Variants in RBPJ observed in about 807,000 individuals in gnomAD.
RBPJ encodes recombining binding protein suppressor of hairless.
RBPJ carries 9 observed loss-of-function variants against 67.8 expected under a neutral mutation model. The ratio of observed to expected loss-of-function variants is 0.13; its 90% CI spans 0.08 to 0.23. The LOEUF is 0.23. Ranked by LOEUF, RBPJ falls within the 10% of genes least tolerant of loss-of-function variation. The probability of loss-of-function intolerance (pLI) is 1.00; values close to 1 mark genes in which losing one functional copy is unlikely to be tolerated. For missense variants in RBPJ, 305 were observed against 595.6 expected (o/e 0.51, Z 5.08); for synonymous variants, 198 against 203.3 (o/e 0.97, Z 0.22).
intron 1 of RBPJ, chr4:26,362,588 A>T (rs1728181088): frequency 3.1e-6 from 5 of 1,613,792 alleles, no homozygotes; most frequent in Non-Finnish European, 4.2e-6. Flanking sequence ...GCTGTGACTT[A>T]CCTTAACATG....
chr4:26,157,926 C>T, the RBPJ span, among the ~76,000 whole-genome samples: 28 of 152,264 alleles, frequency 1.8e-4, no homozygotes, highest in African/African-American at 6.0e-4. Flanking sequence ...GATGATCTAG[C>T]CTCAATTGAG....
chr4:26,410,009 C>G (rs1343134016), intron 3 of RBPJ: 1 of 453,410 alleles, frequency 2.2e-6, no homozygotes, highest in Non-Finnish European at 4.4e-6. Flanking sequence ...AAGGGGAAAC[C>G]CATTAAATTT....
intron 1 of RBPJ, among the ~76,000 whole-genome samples, chr4:26,333,784 G>A (rs1214025688): frequency 6.6e-6 from 1 of 152,016 alleles, no homozygotes; most frequent in African/African-American, 2.4e-5. Flanking sequence ...CGACCTCCCA[G>A]GCTCAAGTGA....
chr4:26,402,202 G>T (rs1443976798), intron 2 of RBPJ, among the ~76,000 whole-genome samples: 2 of 152,058 alleles, frequency 1.3e-5, no homozygotes, highest in Non-Finnish European at 2.9e-5. Context: ...TTTGTTTTCT[G>T]ATTCACCCTG....
chr4:26,322,099 C>G (rs2109326182), intron 1 of RBPJ: 1 of 152,690 alleles, frequency 6.5e-6, no homozygotes, highest in South Asian at 2.1e-4. Flanking sequence ...CTTGCGCCCC[C>G]CGGCCCCCGC....
At chr4:26,314,528 CTT>C (rs1211280316) in intron 1 of RBPJ, among the ~76,000 whole-genome samples, 18 of 152,048 alleles carry the variant, frequency 1.2e-4, no homozygotes, top group African/African-American at 4.3e-4. Flanking sequence ...GGATTTTCTT[CTT>C]GGTGCTGTTC....
At position 26,343,912 on chromosome 4, in the gene RBPJ, G is replaced by A. The variant is rs147520123; in HGVS notation, c.20+22864G>A. On this transcript the variant is annotated intron_variant, in intron 1 of 10. Transcript: ENST00000355476. ...ATTACAGGCGCCCGCCACCACACTC[G>A]GCTAATTTTTGTATTTTTAGTAGGG... is the stretch of plus-strand genomic sequence containing the variant. Among the ~76,000 whole-genome samples the A allele has an allele frequency of 6.1e-3, 919 of 151,828 alleles. 13 individuals carry two copies. The highest frequency in any genetic ancestry group is 0.021 in the African/African-American group (875 of 41,398).
intron 1 of RBPJ, among the ~76,000 whole-genome samples, chr4:26,244,174 C>A (rs1326515106): frequency 6.8e-6 from 1 of 147,490 alleles, no homozygotes; most frequent in Non-Finnish European, 1.5e-5. Flanking sequence ...TATATGTATA[C>A]ACATATATGT....
intron 1 of RBPJ, among the ~76,000 whole-genome samples, chr4:26,304,830 CAAAAGTTT>C (rs1722183999): frequency 6.7e-6 from 1 of 150,108 alleles, no homozygotes; most frequent in South Asian, 2.1e-4. Context: ...CTTTGAAGCA[CAAAAGTTT>C]TAAATTTTGA....
rs982854252 is a variant in RBPJ, at chr4:26,311,264, C to A, written c.-166-51182C>A. The stretch of plus-strand genomic sequence containing the variant: ...AAATGCATCACTGTGGGGCCAGGCG[C>A]GGTGGCTCACGCCTGTAATCCTAGC... On this transcript the variant is annotated intron_variant, in intron 1 of 4. Coordinates refer to the RBPJ transcript ENST00000512351. 2.6e-5 allele frequency among the ~76,000 whole-genome samples: 4 copies of A among 152,024 alleles called. No homozygotes were observed. In the South Asian group the frequency reaches 6.2e-4, roughly 24 times the overall value.
chr4:26,187,330 C>A (rs979520645), intron 1 of RBPJ, among the ~76,000 whole-genome samples: 4 of 152,086 alleles, frequency 2.6e-5, no homozygotes, highest in Middle Eastern at 3.2e-3. Context: ...TTTTTCTTCC[C>A]CCTCAGGATT....
At chr4:26,180,051 T>C (rs931638861) in intron 1 of RBPJ, among the ~76,000 whole-genome samples, 3 of 152,194 alleles carry the variant, frequency 2.0e-5, no homozygotes, top group African/African-American at 7.2e-5. Flanking sequence ...AGTCAATTTT[T>C]CTTAGCAAAC....
At chr4:26,324,070 G>A (rs1267186944) in intron 1 of RBPJ, among the ~76,000 whole-genome samples, 5 of 152,108 alleles carry the variant, frequency 3.3e-5, no homozygotes, top group African/African-American at 1.2e-4. Flanking sequence ...TCCTAACTAT[G>A]TAGTAAAATG....
chr4:26,286,472 C>CAAAAAA (rs57556548), intron 1 of RBPJ, among the ~76,000 whole-genome samples: 14 of 99,470 alleles, frequency 1.4e-4, no homozygotes, highest in African/African-American at 4.3e-4. Context: ...GACCCTGCCT[C>CAAAAAA]AAAAAAAAAA....
intron 1 of RBPJ, among the ~76,000 whole-genome samples, chr4:26,346,226 G>A (rs1726123521): frequency 6.6e-6 from 1 of 152,188 alleles, no homozygotes; most frequent in Non-Finnish European, 1.5e-5. Flanking sequence ...AAGAGAAAGA[G>A]AAAGGAAAAC....
rs1234338611 is a variant in RBPJ at position 26,431,258 on chromosome 4, C to T, written c.*251C>T. ...AAATATTGGAAATCAAGTTTTTCAG[C>T]TGTTTTGTTGGTTGGTTGGTTGGTT... On this transcript the variant is annotated 3_prime_UTR_variant, in exon 11 of 11. Coordinates refer to ENST00000355476, the MANE Select transcript of RBPJ (RefSeq NM_015874.6). The T allele has an allele frequency of 2.9e-6, 1 of 344,548 alleles. No homozygotes were observed. The highest frequency in any genetic ancestry group is 2.3e-5 in the African/African-American group (1 of 43,166). 21.3% of individuals were successfully genotyped at this position (344,548 alleles called of 1,614,324 possible).
chr4:26,296,198 A>G (rs563652987), intron 1 of RBPJ, among the ~76,000 whole-genome samples: 1 of 152,362 alleles, frequency 6.6e-6, no homozygotes, highest in East Asian at 1.9e-4. Flanking sequence ...TGTAGAACAG[A>G]AAAGTTCCTA....
rs913035396 is a variant in RBPJ at position 26,427,795 on chromosome 4, C to T, written c.748-925C>T. Among the ~76,000 whole-genome samples the T allele has an allele frequency of 2.6e-5, 4 of 152,186 alleles. 1 individual carries two copies. The highest frequency in any genetic ancestry group is 9.6e-5 in the African/African-American group (4 of 41,542). ...GAGCATGTAGTCAGTGTTTTCTTTA[C>T]TTTTGATTTTGAGATGAGAGATAGT... On this transcript the variant is annotated intron_variant, in intron 7 of 10. Transcript: ENST00000355476.
intron 3 of RBPJ, among the ~76,000 whole-genome samples, chr4:26,407,261 T>C (rs1733518602): frequency 6.6e-6 from 1 of 151,156 alleles, no homozygotes; most frequent in Admixed American, 6.6e-5. Context: ...CTTAGGTTAA[T>C]TGAGCTATGG....
Sources: gnomAD v4.1 joint callset for allele counts (sites outside exome capture counted in the v4.1 genomes callset) on GRCh38, gnomAD v4.1.1 for gene constraint, MANE v1.5 for transcripts, NCBI Gene and HGNC (gene_info 2026-07-23, HGNC 2026-07-21) for gene names.